Variants in PHF21A observed in about 807,000 individuals in gnomAD.
PHF21A encodes the protein PHD finger protein 21A, also known as BHC80a.
PHF21A carries 11 observed loss-of-function variants against 82.5 expected under a neutral mutation model. The observed-to-expected ratio is 0.13, with a 90% CI of 0.08 to 0.22. The LOEUF is 0.22. Among genes scored for constraint, PHF21A ranks in the 10% least tolerant of loss-of-function variants. The probability of loss-of-function intolerance (pLI) is 1.00; values close to 1 mark genes in which losing one functional copy is unlikely to be tolerated. For missense variants in PHF21A, 579 were observed against 837.8 expected, an observed-to-expected ratio of 0.69 and a Z score of 3.81; for synonymous variants, 297 against 302.8, an observed-to-expected ratio of 0.98 and a Z score of 0.20.
intron 6 of PHF21A, among the ~76,000 whole-genome samples, chr11:46,007,279 T>C (rs1427965582): frequency 6.6e-6 from 1 of 152,116 alleles, no homozygotes; most frequent in Non-Finnish European, 1.5e-5. Flanking sequence ...TCTGTGGCAC[T>C]TTACAGAAGA....
chr11:46,119,139 A>G (rs1247022034), intron 1 of PHF21A, among the ~76,000 whole-genome samples: 1 of 152,114 alleles, frequency 6.6e-6, no homozygotes, highest in Non-Finnish European at 1.5e-5. Context: ...ATCAGCCCAA[A>G]TTAATCTGAT....
chr11:45,955,553 C>T (rs1428343455), intron 10 of PHF21A, among the ~76,000 whole-genome samples: 1 of 152,086 alleles, frequency 6.6e-6, no homozygotes, highest in African/African-American at 2.4e-5. Context: ...CTGAGTAAAG[C>T]AATTAGCAGC....
chr11:46,044,546 T>A (rs2096223670), intron 6 of PHF21A, among the ~76,000 whole-genome samples: 1 of 152,076 alleles, frequency 6.6e-6, no homozygotes, highest in Non-Finnish European at 1.5e-5. Flanking sequence ...TATGCAGGAC[T>A]TCTCTTACTC....
intron 3 of PHF21A, among the ~76,000 whole-genome samples, chr11:46,086,031 A>AT (rs1443843610): frequency 5.9e-5 from 9 of 152,184 alleles, no homozygotes; most frequent in African/African-American, 2.2e-4. Context: ...TAAACAAAAC[A>AT]TTTTAAAAGG....
chr11:45,945,849 G>A lies in PHF21A; in HGVS notation c.1443C>T (p.Thr481=). The A allele has an allele frequency of 6.3e-7, 1 of 1,578,446 alleles. No individual in the cohort carries two copies. Among genetic ancestry groups the A allele is most frequent in the Non-Finnish European group, 8.6e-7 (1 of 1,165,032 alleles). Residue 481 remains threonine, a synonymous_variant, in exon 15 of 19, where the codon ACC becomes ACT. Transcript: ENST00000676320. The stretch of plus-strand genomic sequence containing the variant: ...TTCCCAAGTTACTTACGTCTGTGGA[G>A]GTGGGGCTGGGCAGGGACACAGGCT... ...PVQPVSLPSP[T]STDGDIHEDF...
chr11:45,972,140 C>T (rs565068276), intron 7 of PHF21A, among the ~76,000 whole-genome samples: 6 of 151,844 alleles, frequency 4.0e-5, no homozygotes, highest in Non-Finnish European at 8.8e-5. Context: ...TGAAACATGA[C>T]AAGGTGAAAA....
intron 3 of PHF21A, 128 bp from the exon 4 acceptor site, chr11:46,084,430 T>G: frequency 2.3e-6 from 1 of 436,776 alleles, no homozygotes; most frequent in South Asian, 3.7e-5. Flanking sequence ...CCAAAGAGAT[T>G]TTTTTTCCCT....
At chr11:46,001,416 A>G (rs1177855683) in intron 6 of PHF21A, among the ~76,000 whole-genome samples, 1 of 151,648 alleles carries the variant, frequency 6.6e-6, no homozygotes, top group Admixed American at 6.6e-5. Flanking sequence ...GCACCTGTAG[A>G]TTCTAATGAG....
intron 6 of PHF21A, among the ~76,000 whole-genome samples, chr11:46,041,530 C>T (rs1228420543): frequency 1.3e-5 from 2 of 152,026 alleles, no homozygotes; most frequent in Non-Finnish European, 2.9e-5. Flanking sequence ...TATAGCCAGG[C>T]CAAAATAACC....
chr11:45,949,569 T>A, intron 12 of PHF21A, 88 bp from the exon 13 acceptor site: 2 of 1,104,142 alleles, frequency 1.8e-6, no homozygotes, highest in South Asian at 1.3e-5. Context: ...GGTTTTCCCA[T>A]AAGAAATCAG....
At chr11:45,949,511 G>C in intron 12 of PHF21A, 30 bp from the exon 13 acceptor site, 1 of 1,551,900 alleles carries the variant, frequency 6.4e-7, no homozygotes, top group Non-Finnish European at 8.9e-7. Context: ...TTCATTAGCA[G>C]AGAGGCATGG....
At chr11:45,978,538 A>T (rs1194327397) in intron 7 of PHF21A, among the ~76,000 whole-genome samples, 1 of 152,224 alleles carries the variant, frequency 6.6e-6, no homozygotes, top group African/African-American at 2.4e-5. Flanking sequence ...GTGAACAGCC[A>T]ACTGAACTAT....
intron 1 of PHF21A, among the ~76,000 whole-genome samples, chr11:46,105,409 C>T (rs553234405): frequency 1.3e-5 from 2 of 152,290 alleles, no homozygotes; most frequent in East Asian, 1.9e-4. Context: ...GATCACTGCA[C>T]GACTCAGGAA....
chr11:46,016,508 C>G (rs1343055275), intron 6 of PHF21A, among the ~76,000 whole-genome samples: 1 of 152,084 alleles, frequency 6.6e-6, no homozygotes, highest in African/African-American at 2.4e-5. Context: ...CTGTCCAAAC[C>G]TTACCCATTC....
chr11:45,940,047 C>A (rs1252281414), intron 15 of PHF21A, among the ~76,000 whole-genome samples: 1 of 152,150 alleles, frequency 6.6e-6, no homozygotes, highest in Non-Finnish European at 1.5e-5. Flanking sequence ...AATCCCTCCA[C>A]CACCACTAGT....
rs1229696586 is a variant in PHF21A, at chr11:46,096,067, A to C, written c.-236-3844T>G. ...ACAGAAAGCAAGTAAGTTTGAAATAAATTTAAATGCAGATAAGTGGTTAGA... is the reference window on the plus strand; with the variant it reads ...ACAGAAAGCAAGTAAGTTTGAAATACATTTAAATGCAGATAAGTGGTTAGA... On this transcript the variant is annotated intron_variant, in intron 1 of 18. Coordinates refer to ENST00000676320, the MANE Select transcript of PHF21A (RefSeq NM_001352027.3). Among the ~76,000 whole-genome samples, 4 of 152,136 alleles carry C rather than the reference A, an allele frequency of 2.6e-5. No homozygotes were observed. The East Asian group carries it at 7.7e-4, about 29-fold the overall frequency.
intron 3 of PHF21A, among the ~76,000 whole-genome samples, chr11:46,085,959 C>T (rs1367525246): frequency 6.6e-6 from 1 of 151,322 alleles, no homozygotes; most frequent in East Asian, 1.9e-4. Context: ...TCCAAAAGTG[C>T]AAAATTCCTT....
At chr11:46,008,770 T>C (rs2095352681) in intron 6 of PHF21A, among the ~76,000 whole-genome samples, 1 of 152,186 alleles carries the variant, frequency 6.6e-6, no homozygotes, top group African/African-American at 2.4e-5. Context: ...TAGATTTAAG[T>C]AAATAAATGT....
At chr11:46,084,037 C>T (rs1446775224) in intron 4 of PHF21A, 129 bp downstream of exon 4, 7 of 612,360 alleles carry the variant, frequency 1.1e-5, no homozygotes, top group Non-Finnish European at 1.6e-5. Context: ...AAAAGGCAAA[C>T]GACATGACTC....
Sources: gnomAD v4.1 joint callset for allele counts (sites outside exome capture counted in the v4.1 genomes callset) on GRCh38, gnomAD v4.1.1 for gene constraint, MANE v1.5 for transcripts, NCBI Gene and HGNC (gene_info 2026-07-23, HGNC 2026-07-21) for gene names.